The following ASCC3 variants were observed in gnomAD, a reference collection of about 807,000 sequenced individuals.
ASCC3 encodes ASC-1 complex subunit P200.
ASCC3 carries 158 observed loss-of-function variants against 256.3 expected under a neutral mutation model. The ratio of observed to expected loss-of-function variants is 0.62; its 90% CI spans 0.54 to 0.70. The LOEUF (loss-of-function observed/expected upper bound fraction) is 0.70, where lower values mean the gene tolerates loss of function less well. ASCC3 is among the 30% of genes least tolerant of loss of function. The probability of loss-of-function intolerance (pLI) is 0.00; values close to 1 mark genes in which losing one functional copy is unlikely to be tolerated. For synonymous variants in ASCC3, 948 were observed against 883.4 expected (o/e 1.07, Z -1.30); for missense variants, 2,259 against 2,626.0 (o/e 0.86, Z 3.05).
At chr6:100,632,401 C>T (rs1358782092) in intron 25 of ASCC3, among the ~76,000 whole-genome samples, 1 of 151,782 alleles carries the variant, frequency 6.6e-6, no homozygotes, top group Non-Finnish European at 1.5e-5. Flanking sequence ...CAACCCAAAG[C>T]AATCTTCAGT....
intron 34 of ASCC3, among the ~76,000 whole-genome samples, chr6:100,592,010 A>G (rs1318032560): frequency 2.0e-5 from 3 of 151,792 alleles, no homozygotes; most frequent in South Asian, 2.1e-4. Context: ...GGTATATTTC[A>G]ATGGATTAAT....
chr6:100,753,305 C>CAAAAAA (rs66659985), intron 10 of ASCC3, among the ~76,000 whole-genome samples: 3 of 147,084 alleles, frequency 2.0e-5, no homozygotes, highest in Non-Finnish European at 1.5e-5. Flanking sequence ...TATTCAATAG[C>CAAAAAA]AAAACAAAAC....
intron 36 of ASCC3, among the ~76,000 whole-genome samples, chr6:100,579,098 T>C (rs1771044682): frequency 6.6e-6 from 1 of 152,108 alleles, no homozygotes; most frequent in African/African-American, 2.4e-5. Context: ...AGCACTTTTT[T>C]TCCTATGCTT....
intron 17 of ASCC3, among the ~76,000 whole-genome samples, chr6:100,653,263 C>T (rs1290749646): frequency 1.3e-5 from 2 of 152,080 alleles, no homozygotes; most frequent in Non-Finnish European, 2.9e-5. Context: ...ATTGTCAAAT[C>T]ATATTCCTAC....
intron 37 of ASCC3, chr6:100,530,705 G>C: frequency 2.1e-6 from 2 of 937,506 alleles, no homozygotes; most frequent in South Asian, 2.6e-5. Flanking sequence ...AGATACCCAA[G>C]ATGTAACAAG....
At chr6:100,673,500 C>T (rs1477499853) in intron 14 of ASCC3, among the ~76,000 whole-genome samples, 1 of 151,886 alleles carries the variant, frequency 6.6e-6, no homozygotes, top group Non-Finnish European at 1.5e-5. Flanking sequence ...TTATTCTATG[C>T]TTCTAAAATG....
At chr6:100,509,644 T>A in intron 41 of ASCC3, 111 bp from the exon 42 acceptor site, 1 of 1,093,034 alleles carries the variant, frequency 9.1e-7, no homozygotes, top group Non-Finnish European at 1.3e-6. Flanking sequence ...CTCACGCCTG[T>A]AATCCCAGCA....
At chr6:100,716,166 A>G (rs1193832190) in intron 12 of ASCC3, among the ~76,000 whole-genome samples, 1 of 151,918 alleles carries the variant, frequency 6.6e-6, no homozygotes, top group African/African-American at 2.4e-5. Context: ...TTTGATATTC[A>G]GTCAAATAGA....
At chr6:100,606,890 T>G in intron 31 of ASCC3, 30 bp from the exon 32 acceptor site, 1 of 1,604,802 alleles carries the variant, frequency 6.2e-7, no homozygotes, top group Non-Finnish European at 8.5e-7. Context: ...ATCTTATATC[T>G]AAGTAAAATA....
Position 100,799,433 on chromosome 6 carries a change from T to C in ASCC3, c.1267A>G (p.Lys423Glu), listed in dbSNP as rs1045394992. Residue 423 changes from lysine (K) to glutamate (E), a missense_variant and splice_region_variant, in exon 7 of 42, where the codon AAG (lysine) becomes GAG (glutamate). By Grantham distance (56) the Lys-to-Glu change is moderately conservative. Around this residue, in one of 2 missense-constraint regions of ASCC3, gnomAD observed 1,839 missense variants for 2,206.7 expected, o/e 0.83. Coordinates refer to ENST00000369162, the MANE Select transcript of ASCC3 (RefSeq NM_006828.4). ...GTAGTTATATAACAATGACATACCT[T>C]TGCACCAGCAATAAATGCTGATGTT... ...MKTSAFIAGA[K>E]MILPEGIQRE... The C allele has an allele frequency of 6.8e-6, 11 of 1,612,002 alleles. No homozygotes were observed. The highest frequency in any genetic ancestry group is 9.3e-6 in the Non-Finnish European group (11 of 1,179,256).
At position 100,848,525 on chromosome 6, in the gene ASCC3, T is replaced by C. The variant is rs1772500784; in HGVS notation, c.424A>G (p.Ser142Gly). 28 of 1,614,108 alleles carry C rather than the reference T, an allele frequency of 1.7e-5. No homozygotes were observed. Among genetic ancestry groups the C allele is most frequent in the Non-Finnish European group, 2.3e-5 (27 of 1,180,000 alleles). ...NATNRIISHF[S>G]QDDLTALVQM... ...ACAAGAGCAGTAAGATCATCTTGAC[T>C]AAAATGAGAAATAATTCGATTAGTA... is the stretch of plus-strand genomic sequence containing the variant. The change falls in exon 4 of 42, where the codon AGT (serine) becomes GGT (glycine). Residue 142 changes from serine to glycine, a missense_variant. Around this residue, in one of 2 missense-constraint regions of ASCC3, gnomAD observed 420 missense variants for 419.3 expected, o/e 1.00. Transcript: ENST00000369162.
chr6:100,538,616 A>C (rs963394918), intron 37 of ASCC3, among the ~76,000 whole-genome samples: 4 of 152,140 alleles, frequency 2.6e-5, no homozygotes, highest in Non-Finnish European at 5.9e-5. Flanking sequence ...TTTGGTGGAC[A>C]CCATTCTGGA....
Position 100,625,082 on chromosome 6 carries a change from G to A in ASCC3, c.4785+110C>T, listed in dbSNP as rs114547919. The A allele has an allele frequency of 1.5e-3, 1,846 of 1,241,176 alleles. 12 individuals are homozygous for A. Among genetic ancestry groups the A allele is most frequent in the African/African-American group, 0.012 (803 of 66,518 alleles). The allele number at this position is 1,241,176 out of a possible 1,614,324, so 76.9% of individuals were successfully genotyped here. A position where few individuals can be genotyped will look rare whatever the true frequency, so the allele number is the denominator to read the frequency against. On this transcript the variant is annotated intron_variant, in intron 30 of 41. Coordinates refer to ENST00000369162, the MANE Select transcript of ASCC3 (RefSeq NM_006828.4). ...AATATTAATAGTGTGGTAAGGTGGCGGTATTATGAATTTCTTCTTTCCCTA... is the reference window on the plus strand; with the variant it reads ...AATATTAATAGTGTGGTAAGGTGGCAGTATTATGAATTTCTTCTTTCCCTA...
At chr6:100,548,844 C>A (rs201127251) in intron 36 of ASCC3, among the ~76,000 whole-genome samples, 2 of 151,722 alleles carry the variant, frequency 1.3e-5, no homozygotes, top group Non-Finnish European at 2.9e-5. Context: ...AGAACCCCAG[C>A]GGACACATGA....
intron 37 of ASCC3, among the ~76,000 whole-genome samples, chr6:100,527,086 G>A (rs534448089): frequency 9.9e-5 from 15 of 152,164 alleles, no homozygotes; most frequent in African/African-American, 3.6e-4. Flanking sequence ...TATACCCCAA[G>A]CATTGTACTC....
intron 36 of ASCC3, among the ~76,000 whole-genome samples, chr6:100,576,194 A>G (rs1464117850): frequency 6.6e-6 from 1 of 152,046 alleles, no homozygotes. Flanking sequence ...GAAGCTTACT[A>G]ATTCATGGTG....
At chr6:100,702,831 G>A (rs1283243337) in intron 13 of ASCC3, among the ~76,000 whole-genome samples, 2 of 151,846 alleles carry the variant, frequency 1.3e-5, no homozygotes, top group Non-Finnish European at 2.9e-5. Context: ...TTATCTTTTT[G>A]TAAAAACAAC....
chr6:100,830,058 G>C (rs1034474775), intron 4 of ASCC3, among the ~76,000 whole-genome samples: 1 of 151,920 alleles, frequency 6.6e-6, no homozygotes, highest in Non-Finnish European at 1.5e-5. Flanking sequence ...ACCCACAACG[G>C]CATGTAATTT....
chr6:100,627,721 TATGAG>T lies in ASCC3; in HGVS notation c.4522-16_4522-12del. The T allele has an allele frequency of 1.2e-6, 2 of 1,613,216 alleles. No homozygotes were observed. Among genetic ancestry groups the T allele is most frequent in the Non-Finnish European group, 1.7e-6 (2 of 1,179,556 alleles). ...GTTAAACAAGCCCATCTAGAGTAAA[TATGAG>T]AGAGAAACCATTTTCAATTTTTATA... On this transcript the variant is annotated splice_polypyrimidine_tract_variant and intron_variant, in intron 28 of 41. Transcript: ENST00000369162.
Sources: allele counts gnomAD v4.1 joint callset (sites outside exome capture counted in the v4.1 genomes callset), GRCh38; gene constraint gnomAD v4.1.1; regional missense constraint gnomAD v4.1.1; transcripts MANE v1.5; gene names NCBI Gene and HGNC (gene_info 2026-07-23, HGNC 2026-07-21).